CHCHD6: variants seen among roughly 807,000 people sequenced by gnomAD.
The protein encoded by CHCHD6 is MICOS complex subunit MIC25.
Under a neutral mutation model 32.3 loss-of-function variants are expected in CHCHD6, and 28 were observed. The observed-to-expected ratio is 0.87, with a 90% CI of 0.64 to 1.19. The LOEUF is 1.19. CHCHD6 is among the 50% of genes most tolerant of loss of function. CHCHD6 has a pLI of 0.00. For synonymous variants in CHCHD6, 122 were observed against 117.5 expected, an observed-to-expected ratio of 1.04 and a Z score of -0.25; for missense variants, 333 against 307.0, an observed-to-expected ratio of 1.08 and a Z score of -0.63.
chr3:126,753,708 T>C (rs1250710753), intron 4 of CHCHD6, among the ~76,000 whole-genome samples: 1 of 152,258 alleles, frequency 6.6e-6, no homozygotes, highest in Non-Finnish European at 1.5e-5. Flanking sequence ...GGGCTGCCTT[T>C]CTGCAGCAGT....
intron 5 of CHCHD6, among the ~76,000 whole-genome samples, chr3:126,907,183 A>G (rs947911260): frequency 6.6e-6 from 1 of 152,238 alleles, no homozygotes; most frequent in Non-Finnish European, 1.5e-5. Flanking sequence ...TGGAAGGTTC[A>G]GTTGAGCTGA....
intron 5 of CHCHD6, among the ~76,000 whole-genome samples, chr3:126,864,406 C>T (rs1178965920): frequency 6.6e-6 from 1 of 151,168 alleles, no homozygotes; most frequent in African/African-American, 2.4e-5. Flanking sequence ...CCTCCTCCTC[C>T]TCCTCCTCTT....
intron 4 of CHCHD6, among the ~76,000 whole-genome samples, chr3:126,799,644 AC>A (rs1419838875): frequency 6.6e-6 from 1 of 152,094 alleles, no homozygotes; most frequent in Non-Finnish European, 1.5e-5. Context: ...TCTCTCGTGT[AC>A]CCCACTGACA....
chr3:126,859,748 G>A lies in CHCHD6; in HGVS notation c.495+7018G>A, dbSNP rs968039320. 5.9e-5 allele frequency among the ~76,000 whole-genome samples: 9 copies of A among 152,174 alleles called. No individual in the cohort carries two copies. In the South Asian group the frequency reaches 1.0e-3, roughly 18 times the overall value. The stretch of plus-strand genomic sequence containing the variant: ...TCAGGTCTGCGAGACTCCAGAGCCC[G>A]CTCTTCCACTGCCACGTGCTGCCTC... On this transcript the variant is annotated intron_variant, in intron 5 of 7. Coordinates refer to ENST00000290913, the MANE Select transcript of CHCHD6 (RefSeq NM_032343.3).
intron 7 of CHCHD6, among the ~76,000 whole-genome samples, chr3:126,959,247 G>A (rs760505089): frequency 9.2e-5 from 14 of 152,340 alleles, no homozygotes; most frequent in Middle Eastern, 6.8e-3. Flanking sequence ...CCTCCTTCCC[G>A]GCCCCTACCC....
At chr3:126,872,418 G>A (rs573331605) in intron 5 of CHCHD6, among the ~76,000 whole-genome samples, 4 of 152,094 alleles carry the variant, frequency 2.6e-5, no homozygotes, top group Non-Finnish European at 5.9e-5. Flanking sequence ...GGGCAACTTT[G>A]TATACCTCGT....
intron 1 of CHCHD6, among the ~76,000 whole-genome samples, chr3:126,723,120 A>G (rs1239059977): frequency 3.3e-5 from 5 of 152,128 alleles, no homozygotes; most frequent in African/African-American, 1.2e-4. Context: ...ATAGAGATAA[A>G]GGTTTCTTTA....
intron 5 of CHCHD6, among the ~76,000 whole-genome samples, chr3:126,888,178 G>A (rs2077704110): frequency 6.6e-6 from 1 of 152,180 alleles, no homozygotes; most frequent in Non-Finnish European, 1.5e-5. Context: ...CACAAGGACA[G>A]CAGAGCAGAA....
intron 5 of CHCHD6, among the ~76,000 whole-genome samples, chr3:126,899,792 A>G (rs1293825271): frequency 6.6e-6 from 1 of 152,214 alleles, no homozygotes; most frequent in East Asian, 1.9e-4. Flanking sequence ...GAGGAAAACC[A>G]TGCTTAGCAT....
intron 5 of CHCHD6, among the ~76,000 whole-genome samples, chr3:126,892,875 T>A (rs560311349): frequency 6.6e-6 from 1 of 152,258 alleles, no homozygotes; most frequent in African/African-American, 2.4e-5. Context: ...CGTGATTTGC[T>A]TTTCTCAAAT....
intron 5 of CHCHD6, among the ~76,000 whole-genome samples, chr3:126,882,856 C>T (rs2077629736): frequency 6.6e-6 from 1 of 152,272 alleles, no homozygotes; most frequent in East Asian, 1.9e-4. Context: ...CTTAGGATCT[C>T]CAAAATGATA....
At chr3:126,808,204 C>A (rs933536181) in intron 4 of CHCHD6, among the ~76,000 whole-genome samples, 2 of 152,130 alleles carry the variant, frequency 1.3e-5, no homozygotes, top group African/African-American at 2.4e-5. Flanking sequence ...GGATTAAGGG[C>A]CTCTGTTTCT....
At chr3:126,910,362 G>T (rs2078072164) in intron 5 of CHCHD6, among the ~76,000 whole-genome samples, 1 of 151,476 alleles carries the variant, frequency 6.6e-6, no homozygotes, top group Non-Finnish European at 1.5e-5. Flanking sequence ...CCCATGAGGT[G>T]CAGTCCAAGC....
intron 5 of CHCHD6, among the ~76,000 whole-genome samples, chr3:126,895,025 T>C (rs2077818369): frequency 6.6e-6 from 1 of 152,264 alleles, no homozygotes. Context: ...AAATTTGTAA[T>C]GCATATTCAA....
At chr3:126,738,088 T>C (rs1936127830) in intron 4 of CHCHD6, among the ~76,000 whole-genome samples, 3 of 152,210 alleles carry the variant, frequency 2.0e-5, no homozygotes, top group Admixed American at 2.0e-4. Flanking sequence ...GTAGAGTAGC[T>C]GTCCTGTCCT....
chr3:126,894,527 G>A (rs1478510375), intron 5 of CHCHD6, among the ~76,000 whole-genome samples: 2 of 152,226 alleles, frequency 1.3e-5, no homozygotes, highest in African/African-American at 4.8e-5. Flanking sequence ...GTAGGGGAGA[G>A]GAGTTCTGTT....
At chr3:126,835,614 G>A in intron 4 of CHCHD6, among the ~76,000 whole-genome samples, 1 of 152,216 alleles carries the variant, frequency 6.6e-6, no homozygotes, top group Non-Finnish European at 1.5e-5. Flanking sequence ...TAGGTCTGTT[G>A]CTGGTCATGT....
chr3:126,888,332 TG>T (rs2077706336), intron 5 of CHCHD6, among the ~76,000 whole-genome samples: 1 of 152,268 alleles, frequency 6.6e-6, no homozygotes. Flanking sequence ...TCCTGTTATC[TG>T]TAGCTGAATC....
intron 6 of CHCHD6, among the ~76,000 whole-genome samples, chr3:126,941,108 A>C (rs73209640): frequency 0.055 from 8,342 of 152,314 alleles, 342 homozygotes; most frequent in South Asian, 0.2. Flanking sequence ...GAAGGTCTAT[A>C]ATCGTATGCA....
Sources: gnomAD v4.1 joint callset for allele counts (sites outside exome capture counted in the v4.1 genomes callset) on GRCh38, gnomAD v4.1.1 for gene constraint, MANE v1.5 for transcripts, NCBI Gene and HGNC (gene_info 2026-07-23, HGNC 2026-07-21) for gene names.